PDZRN3: variants seen among roughly 807,000 people sequenced by gnomAD.
The protein encoded by PDZRN3 is E3 ubiquitin-protein ligase PDZRN3.
Under a neutral mutation model 85.7 loss-of-function variants are expected in PDZRN3, and 38 were observed. That is an observed-to-expected ratio of 0.44 (90% CI 0.34 to 0.58). PDZRN3 has a LOEUF of 0.58. PDZRN3 is among the 20% of genes least tolerant of loss of function. The pLI is 0.01. For missense variants in PDZRN3, 1,629 were observed against 1,506.4 expected (o/e 1.08, Z -1.35); for synonymous variants, 759 against 638.0 (o/e 1.19, Z -2.86).
At chr3:73,497,058 C>A (rs980952334) in intron 3 of PDZRN3, among the ~76,000 whole-genome samples, 1 of 152,134 alleles carries the variant, frequency 6.6e-6, no homozygotes, top group South Asian at 2.1e-4. Flanking sequence ...ACACTTTGGG[C>A]CTTATTTTCT....
intron 3 of PDZRN3, among the ~76,000 whole-genome samples, chr3:73,502,038 A>G (rs66772545): frequency 6.0e-5 from 5 of 84,006 alleles, no homozygotes; most frequent in African/African-American, 5.3e-4. Context: ...GAAATGAAAT[A>G]AAATAAAATA....
chr3:73,472,508 T>A (rs1005654083), intron 3 of PDZRN3, among the ~76,000 whole-genome samples: 5 of 152,188 alleles, frequency 3.3e-5, no homozygotes, highest in Non-Finnish European at 7.3e-5. Context: ...CCTCAACACA[T>A]ATGGCTGAGA....
intron 3 of PDZRN3, among the ~76,000 whole-genome samples, chr3:73,577,751 C>A (rs1479550011): frequency 1.3e-5 from 2 of 151,632 alleles, no homozygotes; most frequent in African/African-American, 4.9e-5. Flanking sequence ...TCCTTCCACT[C>A]CTGCCCTTCA....
chr3:73,435,704 C>A (rs1338790063), intron 3 of PDZRN3, among the ~76,000 whole-genome samples: 4 of 152,140 alleles, frequency 2.6e-5, no homozygotes, highest in African/African-American at 9.7e-5. Context: ...CTTGATGATG[C>A]CCAGAGCCTC....
intron 3 of PDZRN3, among the ~76,000 whole-genome samples, chr3:73,540,659 GA>G (rs1007387552): frequency 2.6e-5 from 4 of 152,176 alleles, no homozygotes; most frequent in African/African-American, 9.7e-5. Flanking sequence ...TGTGAAGAAT[GA>G]CCTGTTTACC....
intron 3 of PDZRN3, among the ~76,000 whole-genome samples, chr3:73,526,044 G>A (rs920405355): frequency 6.6e-6 from 1 of 152,166 alleles, no homozygotes; most frequent in African/African-American, 2.4e-5. Flanking sequence ...CAGCTCTGCT[G>A]TGCACGGACT....
At chr3:73,425,490 C>A (rs559708954) in intron 3 of PDZRN3, among the ~76,000 whole-genome samples, 10 of 151,900 alleles carry the variant, frequency 6.6e-5, no homozygotes, top group Admixed American at 1.3e-4. Context: ...ACTGCCCTAG[C>A]GGAATTTTTC....
intron 3 of PDZRN3, among the ~76,000 whole-genome samples, chr3:73,537,674 CAGTGG>C (rs1704820087): frequency 1.3e-5 from 2 of 152,056 alleles, no homozygotes. Context: ...GGCTGGAGTG[CAGTGG>C]CACCATCTCA....
intron 4 of PDZRN3, among the ~76,000 whole-genome samples, chr3:73,403,092 C>T (rs771485325): frequency 4.6e-5 from 7 of 152,022 alleles, no homozygotes; most frequent in Admixed American, 1.3e-4. Context: ...TACAGGTGAC[C>T]GCCACCACAC....
In PDZRN3 at chr3:73,624,103, C is replaced by G; in HGVS notation, c.723G>C (p.Lys241Asn). 6.9e-7 allele frequency: 1 copy of G among 1,451,948 alleles called. No individual in the cohort carries two copies. Among genetic ancestry groups the G allele is most frequent in the Non-Finnish European group, 9.0e-7 (1 of 1,110,802 alleles). The allele number at this position is 1,451,948 out of a possible 1,614,324, so 89.9% of individuals were successfully genotyped here. A position where few individuals can be genotyped will look rare whatever the true frequency, so the allele number is the denominator to read the frequency against. ...GTCGGGGCGGGCAGCAGGCGCCTAC[C>G]TTGCCGCCGGGCGGCGCGGCCACGC... is the stretch of plus-strand genomic sequence containing the variant. ...SRCVAAPPGGKGEETKSLTLV... is the reference protein window; with the variant it reads ...SRCVAAPPGGNGEETKSLTLV... Residue 241 changes from lysine to asparagine, a missense_variant and splice_region_variant, in exon 1 of 10, where the codon AAG (lysine) becomes AAC (asparagine). Coordinates refer to ENST00000263666, the MANE Select transcript of PDZRN3 (RefSeq NM_015009.3).
chr3:73,601,434 A>G (rs938449235), intron 3 of PDZRN3, among the ~76,000 whole-genome samples: 3 of 152,326 alleles, frequency 2.0e-5, no homozygotes, highest in Non-Finnish European at 1.5e-5. Flanking sequence ...TATTTGCACT[A>G]TATTACGGCT....
chr3:73,383,718 T>C lies in PDZRN3; in HGVS notation c.2848A>G (p.Ile950Val), dbSNP rs542380556. The C allele has an allele frequency of 3.1e-6, 5 of 1,611,800 alleles. No homozygotes were observed. In the East Asian group the frequency reaches 1.1e-4, roughly 36 times the overall value. Reference sequence around the variant, plus strand: ...GTCATGCCGCTGCGCTCTTCCCGGATCTTCAGGGCGCGCTCCCGCAGCAGG... The same window carrying C: ...GTCATGCCGCTGCGCTCTTCCCGGACCTTCAGGGCGCGCTCCCGCAGCAGG... The part of the protein sequence containing the change: ...DRLLRERALK[I>V]REERSGMTTD... Residue 950 changes from isoleucine (I) to valine (V), a missense_variant, in exon 10 of 10, where the codon ATC becomes GTC. By Grantham distance (29) the Ile-to-Val change is conservative. Coordinates refer to ENST00000263666, the MANE Select transcript of PDZRN3 (RefSeq NM_015009.3).
At chr3:73,503,661 T>C (rs1290429902) in intron 3 of PDZRN3, among the ~76,000 whole-genome samples, 1 of 152,188 alleles carries the variant, frequency 6.6e-6, no homozygotes, top group Non-Finnish European at 1.5e-5. Flanking sequence ...TAAATGACAA[T>C]ACAAGTACGT....
At chr3:73,500,489 G>A (rs1703955969) in intron 3 of PDZRN3, among the ~76,000 whole-genome samples, 1 of 152,014 alleles carries the variant, frequency 6.6e-6, no homozygotes, top group Non-Finnish European at 1.5e-5. Context: ...GAATATTTCT[G>A]AGCTGAGTTG....
chr3:73,400,276 T>TATCA (rs944015894), intron 5 of PDZRN3, among the ~76,000 whole-genome samples: 1 of 152,244 alleles, frequency 6.6e-6, no homozygotes, highest in African/African-American at 2.4e-5. Flanking sequence ...CTGTATTTTC[T>TATCA]ATCACCCTTA....
intron 3 of PDZRN3, among the ~76,000 whole-genome samples, chr3:73,422,972 T>C (rs1451642069): frequency 6.6e-6 from 1 of 152,162 alleles, no homozygotes; most frequent in East Asian, 1.9e-4. Context: ...TTAGTCCAGA[T>C]AGGAACTTAT....
chr3:73,429,455 G>C (rs972394361), intron 3 of PDZRN3, among the ~76,000 whole-genome samples: 1 of 151,422 alleles, frequency 6.6e-6, no homozygotes. Flanking sequence ...CTGATGCAGA[G>C]TCTCTTTGCT....
intron 1 of PDZRN3, among the ~76,000 whole-genome samples, chr3:73,617,402 G>A (rs1702780510): frequency 6.6e-6 from 1 of 152,184 alleles, no homozygotes; most frequent in African/African-American, 2.4e-5. Context: ...AGGGGAGACA[G>A]AGGCTAACCC....
chr3:73,595,110 T>C (rs1343812838), intron 3 of PDZRN3, among the ~76,000 whole-genome samples: 1 of 152,200 alleles, frequency 6.6e-6, no homozygotes, highest in Non-Finnish European at 1.5e-5. Flanking sequence ...TCGTTATGTA[T>C]ACTGAAATTG....
Sources: gnomAD v4.1 joint callset for allele counts (sites outside exome capture counted in the v4.1 genomes callset) on GRCh38, gnomAD v4.1.1 for gene constraint, MANE v1.5 for transcripts, NCBI Gene and HGNC (gene_info 2026-07-23, HGNC 2026-07-21) for gene names.